RGL3: variants seen among roughly 807,000 people sequenced by gnomAD.
The protein encoded by RGL3 is ral guanine nucleotide dissociation stimulator-like 3.
RGL3 carries 85 observed loss-of-function variants against 90.6 expected under a neutral mutation model. That is an observed-to-expected ratio of 0.94 (90% CI 0.79 to 1.12). The LOEUF (loss-of-function observed/expected upper bound fraction) is 1.12, where lower values mean the gene tolerates loss of function less well. Ranked by LOEUF, RGL3 falls within the 50% of genes most tolerant of loss-of-function variation. RGL3 has a pLI of 0.00. For missense variants in RGL3, 1,034 were observed against 939.2 expected, an observed-to-expected ratio of 1.10 and a Z score of -1.32; for synonymous variants, 408 against 385.5, an observed-to-expected ratio of 1.06 and a Z score of -0.68.
Position 11,400,576 on chromosome 19 carries a change from G to A in RGL3, c.1485-279C>T, listed in dbSNP as rs960519827. Among the ~76,000 whole-genome samples, 17 of 152,068 alleles carry A rather than the reference G, an allele frequency of 1.1e-4. 1 individual carries two copies. Among genetic ancestry groups the A allele is most frequent in the South Asian group, 4.1e-4 (2 of 4,836 alleles). On this transcript the variant is annotated intron_variant, in intron 13 of 18. Transcript: ENST00000380456. ...GGATTAAAGTCAGGGTCAGGACTGGGTGCAGTGGCTCACGCCTGTAATCCT... is the reference window on the plus strand; with the variant it reads ...GGATTAAAGTCAGGGTCAGGACTGGATGCAGTGGCTCACGCCTGTAATCCT...
chr19:11,414,171 A>T (rs1968925210), intron 5 of RGL3, among the ~76,000 whole-genome samples: 2 of 108,188 alleles, frequency 1.8e-5, no homozygotes, highest in Admixed American at 2.1e-4. Context: ...ATATATATAT[A>T]TATATACACC....
At chr19:11,419,221 G>T (rs779793817) in intron 1 of RGL3, 25 bp downstream of exon 1, 1 of 1,585,670 alleles carries the variant, frequency 6.3e-7, no homozygotes, top group Non-Finnish European at 8.6e-7. Context: ...GGGATGCGGG[G>T]TCCGGGGATC....
In RGL3 at chr19:11,417,012, C is replaced by T; in HGVS notation, c.195G>A (p.Lys65=). 6.2e-7 allele frequency: 1 copy of T among 1,613,062 alleles called. No homozygotes were observed. The change falls in exon 3 of 19, where the codon AAG becomes AAA. Residue 65 remains lysine (K), a synonymous_variant. Transcript: ENST00000380456. ...ANTFLHYRTS[K]VRVLRAARLE... is the part of the protein sequence containing the mutation. ...GGCGCGCTGCCCTCAGCACCCTCACCTTGCTGGTTCGATAGTGGAGGAAGG... is the reference window on the plus strand; with the variant it reads ...GGCGCGCTGCCCTCAGCACCCTCACTTTGCTGGTTCGATAGTGGAGGAAGG...
Position 11,416,819 on chromosome 19 carries a change from T to C in RGL3, c.371+17A>G. 1.9e-6 allele frequency: 3 copies of C among 1,612,524 alleles called. No individual in the cohort carries two copies. The highest frequency in any genetic ancestry group is 1.7e-5 in the Admixed American group (1 of 59,940). ...GTTCTAGGGTGGAGAATACGGAGGT[T>C]ATGGTTCGCTACTGACCCGGGAGGT... On this transcript the variant is annotated intron_variant, in intron 3 of 18. Coordinates refer to ENST00000380456, the MANE Select transcript of RGL3 (RefSeq NM_001035223.4).
In RGL3 at chr19:11,419,198, CTGCGGGTCACCAGGGA is replaced by C. The variant is rs753605952; in HGVS notation, c.33+32_33+47del. On this transcript the variant is annotated intron_variant, in intron 1 of 18. Coordinates refer to ENST00000380456, the MANE Select transcript of RGL3 (RefSeq NM_001035223.4). Reference sequence around the variant, plus strand: ...GGGCGGGCGCTTGGAGTTTCTGGACCTGCGGGTCACCAGGGATGCGGGGTCCGGGGATCCCTTGTCC... The same window carrying C: ...GGGCGGGCGCTTGGAGTTTCTGGACCTGCGGGGTCCGGGGATCCCTTGTCC... 3.7e-5 allele frequency: 58 copies of C among 1,579,072 alleles called. No homozygotes were observed. In the African/African-American group the frequency reaches 6.0e-4, roughly 16 times the overall value.
intron 18 of RGL3, among the ~76,000 whole-genome samples, chr19:11,396,156 A>AT (rs1568334127): frequency 3.3e-4 from 17 of 51,348 alleles, no homozygotes; most frequent in East Asian, 2.1e-3. Flanking sequence ...ATATATATAT[A>AT]TATTTTTTTT....
In RGL3 at chr19:11,405,334, C is replaced by T. The variant is rs756366087; in HGVS notation, c.1089G>A (p.Gly363=). 1.1e-5 allele frequency: 18 copies of T among 1,613,258 alleles called. No homozygotes were observed. Among genetic ancestry groups the T allele is most frequent in the Non-Finnish European group, 1.4e-5 (17 of 1,179,710 alleles). The change falls in exon 8 of 19, where the codon GGG becomes GGA. Residue 363 remains glycine, a synonymous_variant. Coordinates refer to ENST00000380456, the MANE Select transcript of RGL3 (RefSeq NM_001035223.4). ...CCGCCCCAGCTCACCGGCTCACTGCCCCCCAGCTGCGCTTGAGCCGGTAGA... is the reference window on the plus strand; with the variant it reads ...CCGCCCCAGCTCACCGGCTCACTGCTCCCCAGCTGCGCTTGAGCCGGTAGA... ...NPIYRLKRSW[G]AVSREPLSTF...
At chr19:11,418,934 G>C in intron 1 of RGL3, 150 bp from the exon 2 acceptor site, 1 of 668,126 alleles carries the variant, frequency 1.5e-6, no homozygotes, top group Non-Finnish European at 2.5e-6. Context: ...GGGGTCCCAG[G>C]CTAGTCCCCT....
In RGL3 at chr19:11,395,074, C is replaced by T. The variant is rs140018993; in HGVS notation, c.2015-554G>A. Among the ~76,000 whole-genome samples the T allele has an allele frequency of 9.6e-3, 1,448 of 150,376 alleles. 21 individuals are homozygous for T. The highest frequency in any genetic ancestry group is 0.034 in the African/African-American group (1,385 of 40,826). On this transcript the variant is annotated intron_variant, in intron 18 of 18. Transcript: ENST00000380456. ...TGCCATTGCACTCCAGCCTGGGCAA[C>T]AGCACGAGACTCCATCTCAAAAAAA...
intron 9 of RGL3, 30 bp from the exon 10 acceptor site, chr19:11,402,736 TG>T (rs1183429342): frequency 6.3e-7 from 1 of 1,599,516 alleles, no homozygotes. Flanking sequence ...GAGCCAGGTC[TG>T]GGGTCTCCTT....
Position 11,416,489 on chromosome 19 carries a change from A to G in RGL3, c.425+125T>C, listed in dbSNP as rs552478320. 6,096 of 946,004 alleles carry G rather than the reference A, an allele frequency of 6.4e-3. 47 individuals are homozygous for G. Among genetic ancestry groups the G allele is most frequent in the Non-Finnish European group, 6.7e-3 (3,924 of 581,400 alleles). The allele number at this position is 946,004 out of a possible 1,614,324, so 58.6% of individuals were successfully genotyped here. A position where few individuals can be genotyped will look rare whatever the true frequency, so the allele number is the denominator to read the frequency against. ...GTTGGGATTACAGGCATGAGCCACC[A>G]CGCCCCACCTGACTCCCAGTCTCTT... On this transcript the variant is annotated intron_variant, in intron 4 of 18. Transcript: ENST00000380456.
chr19:11,401,979 G>A (rs1457403038), intron 13 of RGL3, 32 bp downstream of exon 13: 1 of 1,511,268 alleles, frequency 6.6e-7, no homozygotes, highest in Non-Finnish European at 8.8e-7. Flanking sequence ...GCTCAGCTGG[G>A]GTGGGGCTGG....
At chr19:11,402,624 C>T (rs1266630988) in intron 10 of RGL3, 26 bp downstream of exon 10, 3 of 1,613,612 alleles carry the variant, frequency 1.9e-6, no homozygotes, top group Admixed American at 3.3e-5. Flanking sequence ...TCCCACTTGT[C>T]CCCATCCCAA....
rs1568334129 is a variant in RGL3, at chr19:11,396,156, ATATTTTTTT to A, written c.2014+1079_2014+1087del. On this transcript the variant is annotated intron_variant, in intron 18 of 18. Transcript: ENST00000380456. ...TCTCTCTATATATATATATATATAT[ATATTTTTTT>A]TTTTTTTTTTTTTTTTTTTTTGAGA... Among the ~76,000 whole-genome samples, 31 of 51,348 alleles carry A rather than the reference ATATTTTTTT, an allele frequency of 6.0e-4. 1 individual carries two copies. The highest frequency in any genetic ancestry group is 2.9e-3 in the African/African-American group (30 of 10,416). The allele number at this position is 51,348 out of a possible 152,430, so 33.7% of individuals were successfully genotyped here. A position where few individuals can be genotyped will look rare whatever the true frequency, so the allele number is the denominator to read the frequency against.
chr19:11,414,199 A>ACACC (rs1968929328), intron 5 of RGL3, among the ~76,000 whole-genome samples: 2 of 86,668 alleles, frequency 2.3e-5, no homozygotes, highest in African/African-American at 1.1e-4. Flanking sequence ...ATATACCTTT[A>ACACC]TATATATATA....
At chr19:11,417,179 TCTCA>T in intron 2 of RGL3, 120 bp from the exon 3 acceptor site, 2 of 782,162 alleles carry the variant, frequency 2.6e-6, no homozygotes, top group South Asian at 2.0e-5. Context: ...TGAGACAGAG[TCTCA>T]CTCTGTTGCC....
chr19:11,400,124 G>C lies in RGL3; in HGVS notation c.1581-16C>G. On this transcript the variant is annotated splice_polypyrimidine_tract_variant and intron_variant, in intron 14 of 18. Coordinates refer to ENST00000380456, the MANE Select transcript of RGL3 (RefSeq NM_001035223.4). ...GGCAAGCTTCCTAAGGATGGGGACAGGGGATGAGGCTAAGGCAGGAGCAGC... is the reference window on the plus strand; with the variant it reads ...GGCAAGCTTCCTAAGGATGGGGACACGGGATGAGGCTAAGGCAGGAGCAGC... 1 of 1,605,160 alleles carries C rather than the reference G, an allele frequency of 6.2e-7. No homozygotes were observed. The highest frequency in any genetic ancestry group is 2.2e-5 in the East Asian group (1 of 44,550).
intron 5 of RGL3, among the ~76,000 whole-genome samples, chr19:11,413,071 T>C (rs1040239815): frequency 6.6e-6 from 1 of 152,116 alleles, no homozygotes; most frequent in Non-Finnish European, 1.5e-5. Context: ...TTTTCTCCTC[T>C]GACCTCAAAG....
chr19:11,399,931 G>C lies in RGL3; in HGVS notation c.1670C>G (p.Pro557Arg). The change falls in exon 16 of 19, where the codon CCC becomes CGC. Residue 557 changes from proline to arginine, a missense_variant. Coordinates refer to ENST00000380456, the MANE Select transcript of RGL3 (RefSeq NM_001035223.4). ...PTSSVSPGSP[P>R]SSPRSRDAPA... ...AGCATCTCTGCTTCTAGGACTTGAG[G>C]GGGGTGACCCTGGGGACACACTGGG... is the stretch of plus-strand genomic sequence containing the variant. 6.5e-7 allele frequency: 1 copy of C among 1,544,590 alleles called. No homozygotes were observed. The highest frequency in any genetic ancestry group is 8.7e-7 in the Non-Finnish European group (1 of 1,153,506).
Sources: gnomAD v4.1 joint callset for allele counts (sites outside exome capture counted in the v4.1 genomes callset) on GRCh38, gnomAD v4.1.1 for gene constraint, MANE v1.5 for transcripts, NCBI Gene and HGNC (gene_info 2026-07-23, HGNC 2026-07-21) for gene names.